Variants in LRRTM4 observed in about 807,000 individuals in gnomAD.
The protein encoded by LRRTM4 is leucine rich repeat transmembrane neuronal 4, also known as leucine-rich repeat transmembrane neuronal protein 4.
In LRRTM4, 25 loss-of-function variants were observed where a neutral mutation model predicts 47.6. The ratio of observed to expected loss-of-function variants is 0.53; its 90% confidence interval spans 0.38 to 0.73. The LOEUF is 0.73. Among genes scored for constraint, LRRTM4 ranks in the 30% least tolerant of loss-of-function variants. LRRTM4 has a pLI of 0.00. For synonymous variants in LRRTM4, 311 were observed against 269.5 expected (o/e 1.15, Z -1.51); for missense variants, 638 against 713.4 (o/e 0.89, Z 1.20).
chr2:77,412,798 T>A (rs904372268), intron 3 of LRRTM4, among the ~76,000 whole-genome samples: 1 of 152,196 alleles, frequency 6.6e-6, no homozygotes, highest in African/African-American at 2.4e-5. Context: ...ATAAGCAGCA[T>A]GGGATGGCTG....
intron 3 of LRRTM4, among the ~76,000 whole-genome samples, chr2:77,255,574 T>C (rs1436770398): frequency 6.6e-6 from 1 of 152,022 alleles, no homozygotes; most frequent in Admixed American, 6.6e-5. Flanking sequence ...GAGCATACAC[T>C]CTGACTGCAA....
intron 3 of LRRTM4, among the ~76,000 whole-genome samples, chr2:77,421,659 A>C (rs550629587): frequency 6.6e-6 from 1 of 151,618 alleles, no homozygotes; most frequent in Non-Finnish European, 1.5e-5. Context: ...GTGAGCCGAG[A>C]TCACACCACT....
intron 3 of LRRTM4, among the ~76,000 whole-genome samples, chr2:77,081,247 AACACACACACACACACACACACACACAC>A (rs58897041): frequency 1.4e-5 from 2 of 139,906 alleles, no homozygotes; most frequent in African/African-American, 5.1e-5. Context: ...ACCTGACAGC[AACACACACACACACACACACACACACAC>A]ACACACACAC....
At chr2:76,946,233 ACT>A (rs1675318908) in intron 3 of LRRTM4, among the ~76,000 whole-genome samples, 1 of 151,950 alleles carries the variant, frequency 6.6e-6, no homozygotes, top group Admixed American at 6.6e-5. Flanking sequence ...TGCATTCATG[ACT>A]CAACACATTT....
chr2:76,827,113 T>A (rs1671211150), intron 3 of LRRTM4, among the ~76,000 whole-genome samples: 2 of 151,856 alleles, frequency 1.3e-5, no homozygotes, highest in African/African-American at 4.8e-5. Context: ...TGATTTTGAC[T>A]TGGCTTCTTC....
intron 3 of LRRTM4, among the ~76,000 whole-genome samples, chr2:76,830,547 T>TGTGTGTGTGTG (rs1671320907): frequency 1.3e-5 from 2 of 149,698 alleles, no homozygotes; most frequent in African/African-American, 2.5e-5. Flanking sequence ...TGTGTGTGTG[T>TGTGTGTGTGTG]TTCTGCACTA....
intron 3 of LRRTM4, among the ~76,000 whole-genome samples, chr2:77,160,342 T>C (rs1178968253): frequency 6.6e-6 from 1 of 152,172 alleles, no homozygotes; most frequent in African/African-American, 2.4e-5. Flanking sequence ...TTGACAACAC[T>C]TTCCATACAA....
Position 77,518,924 on chromosome 2 carries a change from G to A in LRRTM4, c.945C>T (p.Cys315=). ...AAAATAAAGGACAAATGCTCCGACT[G>A]CATTCCCACATATTTCCAGACAATG... is the stretch of plus-strand genomic sequence containing the variant. ...SITLSGNMWE[C]SRSICPLFYW... is the part of the protein sequence containing the mutation. Residue 315 remains cysteine (C), a synonymous_variant, in exon 3 of 4, where the codon TGC becomes TGT. Transcript: ENST00000409884. The A allele has an allele frequency of 6.2e-7, 1 of 1,609,492 alleles. No individual in the cohort carries two copies. The highest frequency in any genetic ancestry group is 1.1e-5 in the South Asian group (1 of 90,406).
At chr2:77,069,436 T>TGC in intron 3 of LRRTM4, among the ~76,000 whole-genome samples, 1 of 151,098 alleles carries the variant, frequency 6.6e-6, no homozygotes, top group South Asian at 2.1e-4. Context: ...TGTGTGTGTG[T>TGC]GTTTGTGTGT....
intron 3 of LRRTM4, among the ~76,000 whole-genome samples, chr2:77,401,056 T>C (rs62162573): frequency 6.6e-6 from 1 of 152,002 alleles, no homozygotes; most frequent in Admixed American, 6.6e-5. Flanking sequence ...ACAGCGACTA[T>C]ATGGTTCACA....
chr2:77,192,455 A>G lies in LRRTM4; in HGVS notation c.1551+325863T>C, dbSNP rs1573059735. Among the ~76,000 whole-genome samples, 3 of 152,164 alleles carry G rather than the reference A, an allele frequency of 2.0e-5. No homozygotes were observed. The East Asian group carries it at 5.8e-4, about 29-fold the overall frequency. On this transcript the variant is annotated intron_variant, in intron 3 of 3. Coordinates refer to ENST00000409884, the MANE Select transcript of LRRTM4 (RefSeq NM_001134745.3). Reference sequence around the variant, plus strand: ...AAAATTAGTATGGCATACTATCTAAAGAAATAAAGAAAAAAATTGAAAATA... The same window carrying G: ...AAAATTAGTATGGCATACTATCTAAGGAAATAAAGAAAAAAATTGAAAATA...
At chr2:76,933,280 A>G (rs576454927) in intron 3 of LRRTM4, among the ~76,000 whole-genome samples, 5 of 152,130 alleles carry the variant, frequency 3.3e-5, no homozygotes, top group African/African-American at 4.8e-5. Context: ...CAATAAAGTT[A>G]TATGTTACCC....
intron 3 of LRRTM4, among the ~76,000 whole-genome samples, chr2:76,973,706 G>A (rs948919539): frequency 6.4e-4 from 97 of 151,778 alleles, no homozygotes; most frequent in Non-Finnish European, 1.4e-3. Context: ...TCCATCTTTC[G>A]ACAAGATGGA....
chr2:77,398,541 A>C (rs541529313), intron 3 of LRRTM4, among the ~76,000 whole-genome samples: 1 of 151,886 alleles, frequency 6.6e-6, no homozygotes, highest in Non-Finnish European at 1.5e-5. Context: ...GATGAATTAC[A>C]GAACAACTTC....
intron 3 of LRRTM4, among the ~76,000 whole-genome samples, chr2:76,807,160 T>C (rs1354993487): frequency 1.3e-5 from 2 of 151,896 alleles, no homozygotes; most frequent in African/African-American, 2.4e-5. Context: ...ACAATTCTAC[T>C]TCATGGAATT....
At chr2:76,923,863 A>G (rs1395577506) in intron 3 of LRRTM4, among the ~76,000 whole-genome samples, 1 of 152,112 alleles carries the variant, frequency 6.6e-6, no homozygotes, top group Admixed American at 6.6e-5. Context: ...GTCACAAATC[A>G]TTATCTTCAA....
chr2:76,770,400 G>A (rs546311423), intron 3 of LRRTM4, among the ~76,000 whole-genome samples: 1 of 152,060 alleles, frequency 6.6e-6, no homozygotes, highest in Non-Finnish European at 1.5e-5. Flanking sequence ...TCCAAAAATT[G>A]TTACCAGGGA....
At chr2:77,473,927 A>G (rs1247225252) in intron 3 of LRRTM4, among the ~76,000 whole-genome samples, 1 of 152,114 alleles carries the variant, frequency 6.6e-6, no homozygotes, top group Non-Finnish European at 1.5e-5. Flanking sequence ...CATTTGCTCA[A>G]TTAGTCCTGG....
At chr2:76,984,726 A>T (rs1223248320) in intron 3 of LRRTM4, among the ~76,000 whole-genome samples, 1 of 151,904 alleles carries the variant, frequency 6.6e-6, no homozygotes, top group African/African-American at 2.4e-5. Context: ...TTACCACTAA[A>T]CTGCTATTTT....
Sources: allele counts gnomAD v4.1 joint callset (sites outside exome capture counted in the v4.1 genomes callset), GRCh38; gene constraint gnomAD v4.1.1; transcripts MANE v1.5; gene names NCBI Gene and HGNC (gene_info 2026-07-23, HGNC 2026-07-21).